Variants in CSMD1 observed in about 807,000 individuals in gnomAD.
CSMD1 encodes CUB and sushi domain-containing protein 1.
CSMD1 carries 213 observed loss-of-function variants against 417.5 expected under a neutral mutation model. The ratio of observed to expected loss-of-function variants is 0.51; its 90% CI spans 0.46 to 0.57. The LOEUF (loss-of-function observed/expected upper bound fraction) is 0.57, where lower values mean the gene tolerates loss of function less well. Among genes scored for constraint, CSMD1 ranks in the 20% least tolerant of loss-of-function variants. The pLI is 0.00. For missense variants in CSMD1, 6,923 were observed against 4,529.7 expected (o/e 1.53, Z -15.17); for synonymous variants, 2,862 against 1,736.8 (o/e 1.65, Z -16.11).
intron 1 of CSMD1, among the ~76,000 whole-genome samples, chr8:4,665,464 A>T (rs1171128547): frequency 6.6e-6 from 1 of 152,196 alleles, no homozygotes; most frequent in Non-Finnish European, 1.5e-5. Flanking sequence ...CACAGCTAAC[A>T]CACAAGCATT....
chr8:4,435,203 A>C (rs1158847092), intron 2 of CSMD1, among the ~76,000 whole-genome samples: 2 of 152,212 alleles, frequency 1.3e-5, no homozygotes, highest in African/African-American at 4.8e-5. Flanking sequence ...ACACAAGTAC[A>C]TCAGCCAATC....
At chr8:4,935,847 C>A (rs1331617231) in intron 1 of CSMD1, among the ~76,000 whole-genome samples, 2 of 152,182 alleles carry the variant, frequency 1.3e-5, no homozygotes, top group East Asian at 3.9e-4. Flanking sequence ...AAAGCAGATT[C>A]AAACGTCTTC....
intron 3 of CSMD1, among the ~76,000 whole-genome samples, chr8:4,161,478 G>A (rs952538749): frequency 1.3e-5 from 2 of 152,162 alleles, no homozygotes; most frequent in Non-Finnish European, 2.9e-5. Flanking sequence ...TCAAGGTCAT[G>A]CTGCTGTTGA....
At chr8:4,217,250 T>A (rs913975872) in intron 3 of CSMD1, among the ~76,000 whole-genome samples, 1 of 152,198 alleles carries the variant, frequency 6.6e-6, no homozygotes, top group Non-Finnish European at 1.5e-5. Flanking sequence ...TATCTAGATA[T>A]GGGATTTAGA....
intron 7 of CSMD1, chr8:3,702,295 T>C (rs1331898395): frequency 1.3e-5 from 2 of 152,152 alleles, no homozygotes; most frequent in Non-Finnish European, 2.9e-5. Context: ...AACAAATCAA[T>C]ATCGAATTGG....
intron 1 of CSMD1, among the ~76,000 whole-genome samples, chr8:4,769,193 A>T (rs866851892): frequency 6.6e-6 from 1 of 152,232 alleles, no homozygotes; most frequent in Middle Eastern, 3.2e-3. Context: ...ATAACACCAC[A>T]TACCTCATGG....
At chr8:3,823,525 T>G (rs1215084847) in intron 5 of CSMD1, among the ~76,000 whole-genome samples, 1 of 152,106 alleles carries the variant, frequency 6.6e-6, no homozygotes, top group Non-Finnish European at 1.5e-5. Context: ...CATTTTGTTA[T>G]AAAAATAAAG....
intron 10 of CSMD1, among the ~76,000 whole-genome samples, chr8:3,525,304 G>C (rs1797708540): frequency 1.3e-5 from 2 of 152,128 alleles, no homozygotes; most frequent in African/African-American, 4.8e-5. Context: ...GGTTAAAAAG[G>C]AATTAGCATT....
chr8:4,113,652 C>A (rs191667317), intron 3 of CSMD1, among the ~76,000 whole-genome samples: 2 of 152,262 alleles, frequency 1.3e-5, no homozygotes, highest in Non-Finnish European at 2.9e-5. Flanking sequence ...GATCCACCCG[C>A]CTCCACCTCC....
intron 5 of CSMD1, among the ~76,000 whole-genome samples, chr8:3,774,773 G>A (rs1211510158): frequency 3.3e-5 from 5 of 152,294 alleles, no homozygotes; most frequent in East Asian, 3.9e-4. Flanking sequence ...AGTACAATAT[G>A]GATGACACAG....
intron 12 of CSMD1, among the ~76,000 whole-genome samples, chr8:3,426,950 G>A (rs1305609374): frequency 6.6e-6 from 1 of 152,146 alleles, no homozygotes; most frequent in South Asian, 2.1e-4. Flanking sequence ...CGTGGTGGAA[G>A]GTAAAGGGGA....
At chr8:4,229,662 T>C (rs113431024) in intron 3 of CSMD1, among the ~76,000 whole-genome samples, 369 of 152,290 alleles carry the variant, frequency 2.4e-3, no homozygotes, top group African/African-American at 8.6e-3. Context: ...GCCATCTTCT[T>C]AGTGAAGTTC....
intron 3 of CSMD1, among the ~76,000 whole-genome samples, chr8:4,247,728 G>A (rs1161902011): frequency 1.3e-5 from 2 of 152,030 alleles, no homozygotes; most frequent in Non-Finnish European, 2.9e-5. Context: ...ACGCCCTTTT[G>A]AAAATGTATC....
At chr8:4,664,996 GTTCTTCATTTTATTA>G (rs1256556175) in intron 1 of CSMD1, among the ~76,000 whole-genome samples, 1 of 152,120 alleles carries the variant, frequency 6.6e-6, no homozygotes, top group Non-Finnish European at 1.5e-5. Context: ...ATCTCATCGT[GTTCTTCATTTTATTA>G]TTACCAAATA....
intron 26 of CSMD1, among the ~76,000 whole-genome samples, chr8:3,271,793 T>A (rs1801877642): frequency 6.6e-6 from 1 of 152,176 alleles, no homozygotes; most frequent in African/African-American, 2.4e-5. Context: ...TTTTTTCTTG[T>A]AAATTTGTTT....
At chr8:3,620,885 C>T (rs771407031) in intron 7 of CSMD1, among the ~76,000 whole-genome samples, 8 of 152,096 alleles carry the variant, frequency 5.3e-5, no homozygotes, top group African/African-American at 1.4e-4. Flanking sequence ...CCCTCCTCCC[C>T]GCAAAGGGTT....
chr8:4,746,569 G>A (rs1398575262), intron 1 of CSMD1, among the ~76,000 whole-genome samples: 1 of 152,196 alleles, frequency 6.6e-6, no homozygotes, highest in Non-Finnish European at 1.5e-5. Context: ...AAGTGAGAAT[G>A]AAGGAATGTG....
At chr8:3,979,061 C>G (rs545209833) in intron 5 of CSMD1, among the ~76,000 whole-genome samples, 2 of 152,298 alleles carry the variant, frequency 1.3e-5, no homozygotes, top group Admixed American at 1.3e-4. Context: ...TCCTCCTTTC[C>G]TTCAGATGTG....
chr8:3,962,902 T>C (rs1812424485), intron 5 of CSMD1, among the ~76,000 whole-genome samples: 1 of 152,200 alleles, frequency 6.6e-6, no homozygotes, highest in Non-Finnish European at 1.5e-5. Flanking sequence ...TTTATCATTA[T>C]GTCTATTTTT....
Sources: gnomAD v4.1 joint callset for allele counts (sites outside exome capture counted in the v4.1 genomes callset) on GRCh38, gnomAD v4.1.1 for gene constraint, MANE v1.5 for transcripts, NCBI Gene and HGNC (gene_info 2026-07-23, HGNC 2026-07-21) for gene names.